Variants in ZSWIM8 observed in about 807,000 individuals in gnomAD.
ZSWIM8 encodes zinc finger SWIM domain-containing protein 8.
A neutral mutation model predicts 173.7 loss-of-function variants in ZSWIM8; 27 were observed. That is an observed-to-expected ratio of 0.16 (90% CI 0.11 to 0.21). The LOEUF is 0.21. ZSWIM8 is among the 10% of genes least tolerant of loss of function. The pLI, the probability that ZSWIM8 is intolerant of heterozygous loss-of-function variation, is 1.00. For missense variants in ZSWIM8, 1,627 were observed against 2,428.8 expected (o/e 0.67, Z 6.94); for synonymous variants, 958 against 962.0 (o/e 1.00, Z 0.08).
chr10:73,792,610 C>T lies in ZSWIM8; in HGVS notation c.2071C>T (p.Leu691=), dbSNP rs1379601849. Reference sequence around the variant, plus strand: ...CACAGCCTCTGTTGGCCCCCCTGGCCTACTGCCTGGGGATGTCTGTACCCA... The same window carrying T: ...CACAGCCTCTGTTGGCCCCCCTGGCTTACTGCCTGGGGATGTCTGTACCCA... ...PPTASVGPPG[L]LPGDVCTQDD... is the part of the protein sequence containing the mutation. The change falls in exon 10 of 26, where the codon CTA becomes TTA. Residue 691 remains leucine (L), a synonymous_variant. Transcript: ENST00000604729. The surrounding 1 kb of genome is among the most constrained non-coding windows in gnomAD (Gnocchi z 4.3). 1.2e-6 allele frequency: 2 copies of T among 1,614,060 alleles called. No homozygotes were observed. Among genetic ancestry groups the T allele is most frequent in the Middle Eastern group, 1.6e-4 (1 of 6,062 alleles).
In ZSWIM8 at chr10:73,797,818, G is replaced by A. The variant is rs750492901; in HGVS notation, c.3700G>A (p.Val1234Ile). 1.2e-6 allele frequency: 2 copies of A among 1,613,358 alleles called. No homozygotes were observed. Among genetic ancestry groups the A allele is most frequent in the Admixed American group, 3.3e-5 (2 of 59,946 alleles). Residue 1234 changes from valine to isoleucine, a missense_variant, in exon 19 of 26, where the codon GTA becomes ATA. Physicochemically the swap from Val to Ile is conservative, Grantham distance 29 (BLOSUM62 3). Coordinates refer to ENST00000604729, the MANE Select transcript of ZSWIM8 (RefSeq NM_001367799.1). The surrounding 1 kb of genome is among the most constrained non-coding windows in gnomAD (Gnocchi z 5.6). ...GRRPESHAPHVPNQPSEAAAH... is the reference protein window; with the variant it reads ...GRRPESHAPHIPNQPSEAAAH... ...CCGCCCCGAGAGTCATGCCCCTCAT[G>A]TACCCAATCAGCCATCAGAGGCAGC...
intron 21 of ZSWIM8, 43 bp downstream of exon 21, chr10:73,799,533 C>T (rs1479699871): frequency 6.3e-7 from 1 of 1,577,936 alleles, no homozygotes; most frequent in Non-Finnish European, 8.6e-7. Context: ...TGGGAAAATA[C>T]TGGGAATTCA....
Position 73,799,469 on chromosome 10 carries a change from G to T in ZSWIM8, c.4644G>T (p.Val1548=). 1 of 1,598,746 alleles carries T rather than the reference G, an allele frequency of 6.3e-7. No individual in the cohort carries two copies. Residue 1548 remains valine (V), a synonymous_variant, in exon 21 of 26, where the codon GTG becomes GTT. Coordinates refer to ENST00000604729, the MANE Select transcript of ZSWIM8 (RefSeq NM_001367799.1). ...PHMPRPAVFP[V]PSSAYPQGVH... is the part of the protein sequence containing the mutation. ...TGCCCCGGCCTGCCGTCTTCCCTGT[G>T]CCCAGCTCTGCATACCCACAGGTGA...
chr10:73,793,449 C>A (rs2083493705), intron 10 of ZSWIM8, 139 bp from the exon 11 acceptor site: 2 of 921,434 alleles, frequency 2.2e-6, no homozygotes, highest in African/African-American at 1.7e-5. Flanking sequence ...GTCTGTCTTT[C>A]TAACCAGAGC....
chr10:73,789,363 C>A lies in ZSWIM8; in HGVS notation c.458-4C>A. Reference sequence around the variant, plus strand: ...TCCCTGACCATGCCCCCATTTCTCCCCAGGGTTCCACCTGAGTGCTACAGT... The same window carrying A: ...TCCCTGACCATGCCCCCATTTCTCCACAGGGTTCCACCTGAGTGCTACAGT... On this transcript the variant is annotated splice_polypyrimidine_tract_variant and splice_region_variant and intron_variant, in intron 3 of 25. Coordinates refer to ENST00000604729, the MANE Select transcript of ZSWIM8 (RefSeq NM_001367799.1). The surrounding 1 kb of genome is among the most constrained non-coding windows in gnomAD (Gnocchi z 6.8). The A allele has an allele frequency of 6.4e-7, 1 of 1,554,290 alleles. No homozygotes were observed. The highest frequency in any genetic ancestry group is 8.7e-7 in the Non-Finnish European group (1 of 1,148,440).
At position 73,801,790 on chromosome 10, in the gene ZSWIM8, T is replaced by G. The variant is rs760268206; in HGVS notation, c.*271T>G. 1 of 1,400,718 alleles carries G rather than the reference T, an allele frequency of 7.1e-7. No homozygotes were observed. Among genetic ancestry groups the G allele is most frequent in the Non-Finnish European group, 9.4e-7 (1 of 1,066,932 alleles). The allele number at this position is 1,400,718 out of a possible 1,614,324, so 86.8% of individuals were successfully genotyped here. A position where few individuals can be genotyped will look rare whatever the true frequency, so the allele number is the denominator to read the frequency against. ...ATAAATATATAAACTCCTTTTTTAC[T>G]CTAGTCGACCTGGGCCTTTCCCTTC... On this transcript the variant is annotated 3_prime_UTR_variant, in exon 26 of 26. Transcript: ENST00000604729. This position sits in a 1 kb window ranked among gnomAD's most constrained non-coding sequence, Gnocchi z 4.9.
At position 73,789,070 on chromosome 10, in the gene ZSWIM8, G is replaced by A. The variant is rs2083321491; in HGVS notation, c.363-26G>A. 3 of 1,611,070 alleles carry A rather than the reference G, an allele frequency of 1.9e-6. No homozygotes were observed. The South Asian group carries it at 3.3e-5, about 18-fold the overall frequency. ...TGCCAAAGGTTATTTGCTGAGTTGT[G>A]GCTGTGTCCTCTTCTTCACCCCCAG... On this transcript the variant is annotated intron_variant, in intron 2 of 25. Transcript: ENST00000604729. This position sits in a 1 kb window ranked among gnomAD's most constrained non-coding sequence, Gnocchi z 6.8.
Position 73,797,940 on chromosome 10 carries a change from C to T in ZSWIM8, c.3822C>T (p.Gly1274=). The change falls in exon 19 of 26, where the codon GGC becomes GGT. Residue 1274 remains glycine (G), a synonymous_variant. Coordinates refer to ENST00000604729, the MANE Select transcript of ZSWIM8 (RefSeq NM_001367799.1). This position sits in a 1 kb window ranked among gnomAD's most constrained non-coding sequence, Gnocchi z 5.6. The part of the protein sequence containing the change: ...SIFTHPSSSG[G]HQGPHRNLHL... ...TCACACATCCATCTTCCTCAGGGGG[C>T]CACCAGGGTCCTCACCGCAACCTGC... 6.2e-7 allele frequency: 1 copy of T among 1,614,024 alleles called. No homozygotes were observed. The highest frequency in any genetic ancestry group is 8.5e-7 in the Non-Finnish European group (1 of 1,179,900).
intron 14 of ZSWIM8, among the ~76,000 whole-genome samples, chr10:73,795,214 A>T (rs2083582069): frequency 6.6e-6 from 1 of 152,218 alleles, no homozygotes; most frequent in Non-Finnish European, 1.5e-5. Context: ...AATGTGGGTT[A>T]AAAGATCAGT....
Position 73,800,594 on chromosome 10 carries a change from G to A in ZSWIM8, c.5003-46G>A, listed in dbSNP as rs1221932599. 2 of 1,608,994 alleles carry A rather than the reference G, an allele frequency of 1.2e-6. No homozygotes were observed. Among genetic ancestry groups the A allele is most frequent in the Non-Finnish European group, 8.5e-7 (1 of 1,176,856 alleles). On this transcript the variant is annotated intron_variant, in intron 23 of 25. Transcript: ENST00000604729. This position sits in a 1 kb window ranked among gnomAD's most constrained non-coding sequence, Gnocchi z 4.1. ...CAGGTGACAGGTTGGGGTAAAGGGT[G>A]AAGAGGATACACCGTACCATGTGCC... is the stretch of plus-strand genomic sequence containing the variant.
rs894332720 is a variant in ZSWIM8, at chr10:73,799,658, T to C, written c.4665+168T>C. 11 of 944,798 alleles carry C rather than the reference T, an allele frequency of 1.2e-5. No homozygotes were observed. In the African/African-American group the frequency reaches 1.5e-4, roughly 13 times the overall value. 58.5% of individuals were successfully genotyped at this position (944,798 alleles called of 1,614,324 possible). A position where few individuals can be genotyped will look rare whatever the true frequency, so the allele number is the denominator to read the frequency against. ...TAAAATAAGAAATGACGGCCGGGCA[T>C]GGTGGCTCATGCCTGTAATCCCAGC... is the stretch of plus-strand genomic sequence containing the variant. On this transcript the variant is annotated intron_variant, in intron 21 of 25. Transcript: ENST00000604729.
In ZSWIM8 at chr10:73,791,267, G is replaced by T; in HGVS notation, c.1144-57G>T. The T allele has an allele frequency of 6.3e-7, 1 of 1,575,874 alleles. No homozygotes were observed. Among genetic ancestry groups the T allele is most frequent in the Non-Finnish European group, 8.7e-7 (1 of 1,155,012 alleles). On this transcript the variant is annotated intron_variant, in intron 8 of 25. Coordinates refer to ENST00000604729, the MANE Select transcript of ZSWIM8 (RefSeq NM_001367799.1). The surrounding 1 kb of genome is among the most constrained non-coding windows in gnomAD (Gnocchi z 6.0). The stretch of plus-strand genomic sequence containing the variant: ...TCTTGCTGAAATGGACTCTGGGAGG[G>T]CTACTCTGCCTTTCTCTGAGCTCTC...
At chr10:73,799,543 A>G (rs754039659) in intron 21 of ZSWIM8, 53 bp downstream of exon 21, 12 of 1,569,970 alleles carry the variant, frequency 7.6e-6, no homozygotes, top group Middle Eastern at 1.7e-4. Flanking sequence ...CTGGGAATTC[A>G]TAGGGGGTTG....
chr10:73,792,988 G>T lies in ZSWIM8; in HGVS notation c.2313+136G>T. 1 of 1,069,868 alleles carries T rather than the reference G, an allele frequency of 9.3e-7. No homozygotes were observed. Among genetic ancestry groups the T allele is most frequent in the Non-Finnish European group, 1.3e-6 (1 of 760,088 alleles). The allele number at this position is 1,069,868 out of a possible 1,614,324, so 66.3% of individuals were successfully genotyped here. ...TTGCAGGCGCCGAACTGGTCTCCCT[G>T]CTTTCAGTCTACTCACTTTTCTGCT... On this transcript the variant is annotated intron_variant, in intron 10 of 25. Coordinates refer to ENST00000604729, the MANE Select transcript of ZSWIM8 (RefSeq NM_001367799.1). The surrounding 1 kb of genome is among the most constrained non-coding windows in gnomAD (Gnocchi z 4.3).
In ZSWIM8 at chr10:73,797,327, T is replaced by C. The variant is rs756279228; in HGVS notation, c.3434-50T>C. The C allele has an allele frequency of 2.5e-6, 4 of 1,612,980 alleles. No individual in the cohort carries two copies. The South Asian group carries it at 4.4e-5, about 18-fold the overall frequency. On this transcript the variant is annotated intron_variant, in intron 17 of 25. Transcript: ENST00000604729. The surrounding 1 kb of genome is among the most constrained non-coding windows in gnomAD (Gnocchi z 5.6). ...AAGGATAATCCTGAAGGTTGGAGTC[T>C]TAACATCTGGGACTCCTGACTTCTG...
In ZSWIM8 at chr10:73,797,324, G is replaced by T. The variant is rs371169182; in HGVS notation, c.3433+53G>T. 3.4e-5 allele frequency: 55 copies of T among 1,613,066 alleles called. 1 individual carries two copies. In the East Asian group the frequency reaches 1.2e-3, roughly 34 times the overall value. ...GGGAAGGATAATCCTGAAGGTTGGA[G>T]TCTTAACATCTGGGACTCCTGACTT... On this transcript the variant is annotated intron_variant, in intron 17 of 25. Coordinates refer to ENST00000604729, the MANE Select transcript of ZSWIM8 (RefSeq NM_001367799.1). The surrounding 1 kb of genome is among the most constrained non-coding windows in gnomAD (Gnocchi z 5.6).
In ZSWIM8 at chr10:73,789,027, G is replaced by T; in HGVS notation, c.363-69G>T. 2 of 1,508,520 alleles carry T rather than the reference G, an allele frequency of 1.3e-6. No individual in the cohort carries two copies. The highest frequency in any genetic ancestry group is 1.8e-6 in the Non-Finnish European group (2 of 1,093,130). The allele number at this position is 1,508,520 out of a possible 1,614,324, so 93.4% of individuals were successfully genotyped here. On this transcript the variant is annotated intron_variant, in intron 2 of 25. Transcript: ENST00000604729. This position sits in a 1 kb window ranked among gnomAD's most constrained non-coding sequence, Gnocchi z 6.8. Reference sequence around the variant, plus strand: ...CTAGGGAGAGAGTGCCTAGGGCATTGTGGTCTCTGACAGGGTCTGCCAAAG... The same window carrying T: ...CTAGGGAGAGAGTGCCTAGGGCATTTTGGTCTCTGACAGGGTCTGCCAAAG...
At chr10:73,790,880 T>C in intron 7 of ZSWIM8, 95 bp from the exon 8 acceptor site, 2 of 1,239,404 alleles carry the variant, frequency 1.6e-6, no homozygotes, top group Non-Finnish European at 2.2e-6. Context: ...GATGTCTTTT[T>C]CCCTCTATCT....
chr10:73,785,956 A>T lies in ZSWIM8; in HGVS notation c.78A>T (p.Ser26=), dbSNP rs2083201809. Residue 26 remains serine, a synonymous_variant, in exon 1 of 26, where the codon TCA becomes TCT. Transcript: ENST00000604729. ...FEDSDRFEED[S]LCSFISEAES... ...ATTCGGACCGTTTTGAGGAGGATTC[A>T]CTCTGTTCCTTCATCTCCGAGGCCG... 2.5e-6 allele frequency: 4 copies of T among 1,571,030 alleles called. No homozygotes were observed. The Admixed American group carries it at 7.5e-5, about 30-fold the overall frequency.
Sources: gnomAD v4.1 joint callset for allele counts (sites outside exome capture counted in the v4.1 genomes callset) on GRCh38, gnomAD v4.1.1 for gene constraint, Gnocchi (gnomAD v3.1) non-coding constraint, MANE v1.5 for transcripts, NCBI Gene and HGNC (gene_info 2026-07-23, HGNC 2026-07-21) for gene names.